The following RGMA variants were observed in gnomAD, a reference collection of about 807,000 sequenced individuals.
RGMA encodes repulsive guidance molecule BMP co-receptor a, also known as repulsive guidance molecule A.
In RGMA, 10 loss-of-function variants were observed where a neutral mutation model predicts 23.2. The observed-to-expected ratio is 0.43, with a 90% CI of 0.27 to 0.73. The LOEUF (loss-of-function observed/expected upper bound fraction) is 0.73. Among genes scored for constraint, RGMA ranks in the 30% least tolerant of loss-of-function variants. RGMA has a pLI of 0.20. For missense variants in RGMA, 547 were observed against 630.5 expected (o/e 0.87, Z 1.42); for synonymous variants, 308 against 279.3 (o/e 1.10, Z -1.03).
At chr15:93,077,716 AGTGT>A (rs138060075) in intron 1 of RGMA, among the ~76,000 whole-genome samples, 2 of 151,996 alleles carry the variant, frequency 1.3e-5, no homozygotes, top group Non-Finnish European at 2.9e-5. Flanking sequence ...GACGTGACAT[AGTGT>A]GTGTGTGTGA....
At chr15:93,063,182 G>T (rs1192963619) in intron 2 of RGMA, 2 of 152,266 alleles carry the variant, frequency 1.3e-5, no homozygotes, top group African/African-American at 2.4e-5. Flanking sequence ...CGCCTGTGGA[G>T]ACACTAGCCT....
chr15:93,063,310 G>A, intron 2 of RGMA, among the ~76,000 whole-genome samples: 1 of 152,246 alleles, frequency 6.6e-6, no homozygotes, highest in Non-Finnish European at 1.5e-5. Flanking sequence ...GTGGAGGAGG[G>A]AGCACTGAGC....
chr15:93,082,242 A>G (rs1895570139), intron 1 of RGMA, among the ~76,000 whole-genome samples: 1 of 152,248 alleles, frequency 6.6e-6, no homozygotes, highest in Non-Finnish European at 1.5e-5. Context: ...TTGTATGTAC[A>G]GGATCTTGGG....
chr15:93,051,560 C>CT (rs138377167), intron 3 of RGMA, among the ~76,000 whole-genome samples: 10,791 of 152,246 alleles, frequency 0.071, 447 homozygotes, highest in Non-Finnish European at 0.089. Context: ...GGCTGCGGCC[C>CT]CATGAGCAGG....
intron 2 of RGMA, among the ~76,000 whole-genome samples, chr15:93,054,123 G>A (rs748600908): frequency 2.6e-5 from 4 of 151,582 alleles, no homozygotes; most frequent in Admixed American, 6.6e-5. Context: ...CCAGCTACTC[G>A]GGAGGCTGTG....
intron 1 of RGMA, among the ~76,000 whole-genome samples, chr15:93,082,596 C>G (rs148425634): frequency 6.6e-6 from 1 of 152,172 alleles, no homozygotes; most frequent in Admixed American, 6.5e-5. Flanking sequence ...CAATAATATG[C>G]CCCACATGTA....
chr15:93,087,480 A>AAAC (rs1895656613), intron 1 of RGMA, among the ~76,000 whole-genome samples: 5 of 151,012 alleles, frequency 3.3e-5, no homozygotes, highest in African/African-American at 1.2e-4. Flanking sequence ...AAAAAAAAAA[A>AAAC]AAAACCACAA....
chr15:93,066,677 C>T (rs918099007), intron 2 of RGMA: 29 of 388,236 alleles, frequency 7.5e-5, no homozygotes, highest in Non-Finnish European at 1.1e-4. Flanking sequence ...TACCGGCCCC[C>T]GCCGCCGCCC....
chr15:93,082,345 G>T (rs753598429), intron 1 of RGMA, among the ~76,000 whole-genome samples: 7 of 152,138 alleles, frequency 4.6e-5, no homozygotes, highest in Non-Finnish European at 1.0e-4. Flanking sequence ...GGCCTGATGG[G>T]CACCTACTAG....
chr15:93,078,433 G>A (rs1240662719), intron 1 of RGMA, among the ~76,000 whole-genome samples: 3 of 152,188 alleles, frequency 2.0e-5, no homozygotes, highest in African/African-American at 7.2e-5. Context: ...GAACTGAGTT[G>A]CTTCAATTTA....
chr15:93,071,767 TC>T (rs1895331255), intron 2 of RGMA, among the ~76,000 whole-genome samples: 1 of 152,162 alleles, frequency 6.6e-6, no homozygotes, highest in East Asian at 1.9e-4. Flanking sequence ...AATAACCCAA[TC>T]CGAGTCTAAA....
At chr15:93,067,991 CACTTCACACCCAGG>C (rs1429623646) in intron 2 of RGMA, among the ~76,000 whole-genome samples, 3 of 152,106 alleles carry the variant, frequency 2.0e-5, no homozygotes, top group Non-Finnish European at 4.4e-5. Flanking sequence ...TGGAGGGGCC[CACTTCACACCCAGG>C]ACTTCACAGA....
At position 93,073,832 on chromosome 15, in the gene RGMA, C is replaced by A. The variant is rs1895421239; in HGVS notation, c.15-801G>T. ...TTCCTGAAGACTTGCCCCGGCTGCG[C>A]CCCCGTGCTGAGGGCCTGCGGGCCT... On this transcript the variant is annotated intron_variant, in intron 1 of 3. Transcript: ENST00000329082. The A allele has an allele frequency of 7.3e-6, 11 of 1,516,728 alleles. No homozygotes were observed. The African/African-American group carries it at 8.2e-5, about 11-fold the overall frequency. The allele number at this position is 1,516,728 out of a possible 1,614,324, so 94.0% of individuals were successfully genotyped here. A position where few individuals can be genotyped will look rare whatever the true frequency, so the allele number is the denominator to read the frequency against.
At chr15:93,073,461 G>A in intron 1 of RGMA, 1 of 1,036,850 alleles carries the variant, frequency 9.6e-7, no homozygotes, top group Non-Finnish European at 1.4e-6. Flanking sequence ...GCACCCTTGG[G>A]AGGCCGCAGG....
chr15:93,055,558 G>A (rs1051371953), intron 2 of RGMA, among the ~76,000 whole-genome samples: 1 of 152,100 alleles, frequency 6.6e-6, no homozygotes, highest in Non-Finnish European at 1.5e-5. Context: ...CGCTGGACTT[G>A]AGAGCTCACG....
intron 3 of RGMA, among the ~76,000 whole-genome samples, chr15:93,051,287 C>T (rs1422512854): frequency 2.0e-5 from 3 of 152,224 alleles, no homozygotes; most frequent in African/African-American, 7.2e-5. Flanking sequence ...GACACACGGC[C>T]TTCCAACTGG....
At chr15:93,053,254 C>T (rs1459036217) in intron 2 of RGMA, among the ~76,000 whole-genome samples, 2 of 152,232 alleles carry the variant, frequency 1.3e-5, no homozygotes, top group East Asian at 1.9e-4. Flanking sequence ...CCAAAATGAC[C>T]GTGCCCCAGA....
rs1280886190 is a variant in RGMA, at chr15:93,089,126, G to A, written c.-194C>T. On this transcript the variant is annotated 5_prime_UTR_variant, in exon 1 of 4. Transcript: ENST00000329082. ...GCTGCATGCCTGCGAGCGCCTGGCG[G>A]AGCCGGCCCGGGAGCGAACGGCCAG... 3 of 343,222 alleles carry A rather than the reference G, an allele frequency of 8.7e-6. No homozygotes were observed. The highest frequency in any genetic ancestry group is 1.0e-5 in the Non-Finnish European group (2 of 191,660). 21.3% of individuals were successfully genotyped at this position (343,222 alleles called of 1,614,324 possible).
chr15:93,078,688 C>T (rs900638588), intron 1 of RGMA, among the ~76,000 whole-genome samples: 1 of 152,208 alleles, frequency 6.6e-6, no homozygotes, highest in Non-Finnish European at 1.5e-5. Flanking sequence ...CAGGTGATGA[C>T]ATTGCTCACC....
Sources: gnomAD v4.1 joint callset for allele counts (sites outside exome capture counted in the v4.1 genomes callset) on GRCh38, gnomAD v4.1.1 for gene constraint, MANE v1.5 for transcripts, NCBI Gene and HGNC (gene_info 2026-07-23, HGNC 2026-07-21) for gene names.